The following DDX46 variants were observed in gnomAD, a reference collection of about 807,000 sequenced individuals.
DDX46 encodes DEAD-box helicase 46, also known as probable ATP-dependent RNA helicase DDX46.
In DDX46, 30 loss-of-function variants were observed where a neutral mutation model predicts 134.9. That is an observed-to-expected ratio of 0.22 (90% CI 0.17 to 0.30). DDX46 has a LOEUF of 0.30. Among genes scored for constraint, DDX46 ranks in the 10% least tolerant of loss-of-function variants. The probability of loss-of-function intolerance (pLI) is 1.00; values close to 1 mark genes in which losing one functional copy is unlikely to be tolerated. For synonymous variants in DDX46, 415 were observed against 404.1 expected, an observed-to-expected ratio of 1.03 and a Z score of -0.32; for missense variants, 622 against 1,248.7, an observed-to-expected ratio of 0.50 and a Z score of 7.56.
At chr5:134,801,688 G>A (rs111376887) in intron 15 of DDX46, among the ~76,000 whole-genome samples, 9 of 152,212 alleles carry the variant, frequency 5.9e-5, no homozygotes, top group African/African-American at 1.7e-4. Flanking sequence ...CCTGAGCCAC[G>A]GTGCCTGGCT....
At chr5:134,804,759 C>A in intron 15 of DDX46, 2 of 300,754 alleles carry the variant, frequency 6.6e-6, no homozygotes, top group South Asian at 6.0e-5. Context: ...AATTTTTATT[C>A]AAAAATAATT....
intron 9 of DDX46, among the ~76,000 whole-genome samples, chr5:134,783,870 A>T: frequency 7.0e-6 from 1 of 143,578 alleles, no homozygotes; most frequent in Admixed American, 7.0e-5. Context: ...TTTTTTTAAG[A>T]GATGGGGTGT....
At chr5:134,759,905 T>C (rs1435316918) in intron 1 of DDX46, among the ~76,000 whole-genome samples, 1 of 152,222 alleles carries the variant, frequency 6.6e-6, no homozygotes, top group Non-Finnish European at 1.5e-5. Context: ...ACCAGAAATC[T>C]GAAAGTGATA....
intron 15 of DDX46, among the ~76,000 whole-genome samples, chr5:134,798,193 GTTTGT>G (rs1754726537): frequency 7.3e-6 from 1 of 136,742 alleles, no homozygotes; most frequent in Non-Finnish European, 1.6e-5. Context: ...TTTTGTTGTT[GTTTGT>G]TTGTTTGTTT....
At chr5:134,812,345 G>A (rs1755170164) in intron 18 of DDX46, among the ~76,000 whole-genome samples, 2 of 151,992 alleles carry the variant, frequency 1.3e-5, no homozygotes, top group South Asian at 2.1e-4. Flanking sequence ...GATTACAGGC[G>A]TGAGCCACCT....
intron 3 of DDX46, among the ~76,000 whole-genome samples, chr5:134,770,507 C>A (rs999046564): frequency 6.6e-6 from 1 of 152,090 alleles, no homozygotes; most frequent in Non-Finnish European, 1.5e-5. Flanking sequence ...AGGCACCTTA[C>A]CCCACCTGTA....
intron 20 of DDX46, among the ~76,000 whole-genome samples, 184 bp from the exon 21 acceptor site, chr5:134,818,676 T>C (rs1755353423): frequency 6.8e-6 from 1 of 146,080 alleles, no homozygotes; most frequent in Non-Finnish European, 1.5e-5. Flanking sequence ...TATTCCAGCC[T>C]GGGCAAAAAG....
intron 19 of DDX46, chr5:134,817,226 A>G: frequency 2.7e-6 from 1 of 374,486 alleles, no homozygotes; most frequent in Middle Eastern, 7.3e-4. Context: ...ATCAAGAGTT[A>G]GCTAATTATC....
intron 19 of DDX46, 123 bp downstream of exon 19, chr5:134,816,729 C>A: frequency 1.0e-6 from 1 of 966,434 alleles, no homozygotes; most frequent in Non-Finnish European, 1.5e-6. Context: ...GAGAATTTAA[C>A]ATTCTCAATA....
In DDX46 at chr5:134,785,832, T is replaced by C. The variant is rs1400197424; in HGVS notation, c.1464+246T>C. Among the ~76,000 whole-genome samples, 6 of 152,142 alleles carry C rather than the reference T, an allele frequency of 3.9e-5. No individual in the cohort carries two copies. The East Asian group carries it at 1.2e-3, about 29-fold the overall frequency. On this transcript the variant is annotated intron_variant, in intron 11 of 22. Transcript: ENST00000452510. ...GTGTGCTGAAAATTCGCTAAGCCAG[T>C]AGATCTCACATCATGTTTTTTTTTT...
At chr5:134,810,771 C>G (rs999454145) in intron 16 of DDX46, among the ~76,000 whole-genome samples, 2 of 151,440 alleles carry the variant, frequency 1.3e-5, no homozygotes, top group Admixed American at 1.3e-4. Context: ...TTTGGGAGGC[C>G]AAGGCGGGCG....
At chr5:134,777,860 C>G (rs1211775950) in intron 6 of DDX46, 135 bp downstream of exon 6, 3 of 1,064,998 alleles carry the variant, frequency 2.8e-6, no homozygotes, top group African/African-American at 1.6e-5. Context: ...GATGGCAGTA[C>G]TTTTTCTGAG....
At chr5:134,785,276 TC>T (rs995374578) in intron 10 of DDX46, among the ~76,000 whole-genome samples, 188 bp from the exon 11 acceptor site, 1 of 152,206 alleles carries the variant, frequency 6.6e-6, no homozygotes, top group African/African-American at 2.4e-5. Flanking sequence ...TTTTTAAAAA[TC>T]TGCTTATATT....
intron 15 of DDX46, among the ~76,000 whole-genome samples, chr5:134,806,303 G>A (rs1754985138): frequency 6.6e-6 from 1 of 152,066 alleles, no homozygotes; most frequent in Non-Finnish European, 1.5e-5. Flanking sequence ...ACTGGGATTA[G>A]GCCCGTCTCT....
chr5:134,778,219 T>C (rs1312833381), intron 6 of DDX46, among the ~76,000 whole-genome samples: 1 of 151,922 alleles, frequency 6.6e-6, no homozygotes, highest in East Asian at 1.9e-4. Context: ...GGTTTTACCA[T>C]GTTGCTCACG....
intron 18 of DDX46, among the ~76,000 whole-genome samples, chr5:134,813,128 A>G (rs1282967166): frequency 2.0e-5 from 3 of 152,108 alleles, no homozygotes; most frequent in Non-Finnish European, 2.9e-5. Context: ...TATTTTTACT[A>G]GAGACAGGGT....
chr5:134,824,724 C>G (rs1755543979), intron 21 of DDX46, among the ~76,000 whole-genome samples: 1 of 152,170 alleles, frequency 6.6e-6, no homozygotes, highest in Non-Finnish European at 1.5e-5. Flanking sequence ...ACTCCGAACT[C>G]AACTAAACAC....
intron 8 of DDX46, 92 bp from the exon 9 acceptor site, chr5:134,782,853 G>A (rs1000895038): frequency 6.7e-6 from 10 of 1,498,664 alleles, no homozygotes; most frequent in Non-Finnish European, 9.0e-6. Context: ...TGGCATAAGA[G>A]TTAAAGTTTG....
At chr5:134,785,886 TCA>T (rs1340194833) in intron 11 of DDX46, among the ~76,000 whole-genome samples, 1 of 151,958 alleles carries the variant, frequency 6.6e-6, no homozygotes, top group Non-Finnish European at 1.5e-5. Context: ...TCTCGCTCTG[TCA>T]CACAGGCTGG....
Sources: gnomAD v4.1 joint callset for allele counts (sites outside exome capture counted in the v4.1 genomes callset) on GRCh38, gnomAD v4.1.1 for gene constraint, MANE v1.5 for transcripts, NCBI Gene and HGNC (gene_info 2026-07-23, HGNC 2026-07-21) for gene names.